The following PKD1 variants were observed in gnomAD, a reference collection of about 807,000 sequenced individuals.
PKD1 encodes polycystin 1, transient receptor potential channel interacting.
PKD1 carries 81 observed loss-of-function variants against 361.7 expected under a neutral mutation model. The ratio of observed to expected loss-of-function variants is 0.22; its 90% CI spans 0.19 to 0.27. PKD1 has a LOEUF of 0.27. PKD1 is among the 10% of genes least tolerant of loss of function. The pLI, the probability that PKD1 is intolerant of heterozygous loss-of-function variation, is 1.00. For synonymous variants in PKD1, 3,615 were observed against 2,818.3 expected (o/e 1.28, Z -8.95); for missense variants, 6,399 against 6,118.3 (o/e 1.05, Z -1.53).
chr16:2,108,877 C>G lies in PKD1; in HGVS notation c.6290G>C (p.Gly2097Ala). 6.3e-7 allele frequency: 1 copy of G among 1,578,962 alleles called. No individual in the cohort carries two copies. The highest frequency in any genetic ancestry group is 8.6e-7 in the Non-Finnish European group (1 of 1,163,728). ...PRRVAYHWDF[G>A]DGSPGQDTDE... ...TGTGTCCTGCCCTGGCGACCCATCC[C>G]CAAAGTCCCAGTGGTAGGCCACACG... is the stretch of plus-strand genomic sequence containing the variant. Residue 2097 changes from glycine to alanine, a missense_variant, in exon 15 of 46, where the codon GGG becomes GCG. Coordinates refer to ENST00000262304, the MANE Select transcript of PKD1 (RefSeq NM_001009944.3).
At chr16:2,098,110 G>A in intron 30 of PKD1, 126 bp from the exon 31 acceptor site, 1 of 654,210 alleles carries the variant, frequency 1.5e-6, no homozygotes. Flanking sequence ...TAGAATGCTG[G>A]ATATATGGGA....
intron 35 of PKD1, 37 bp downstream of exon 35, chr16:2,094,055 G>A (rs1184935967): frequency 6.3e-7 from 1 of 1,587,338 alleles, no homozygotes. Flanking sequence ...AGCTCACAGG[G>A]AGGGGCTAGG....
In PKD1 at chr16:2,092,943, G is replaced by A. The variant is rs1028896527; in HGVS notation, c.11156+11C>T. 2 of 1,612,976 alleles carry A rather than the reference G, an allele frequency of 1.2e-6. No homozygotes were observed. Among genetic ancestry groups the A allele is most frequent in the African/African-American group, 1.3e-5 (1 of 75,054 alleles). ...GCCCAGAAGACAGACCAGTGCACCG[G>A]ATGCCCGTACCGCGTGATGGCCAGG... is the stretch of plus-strand genomic sequence containing the variant. On this transcript the variant is annotated intron_variant, in intron 38 of 45. Transcript: ENST00000262304.
At chr16:2,113,900 G>A (rs2092582574) in intron 11 of PKD1, 6 of 546,502 alleles carry the variant, frequency 1.1e-5, no homozygotes, top group East Asian at 6.3e-5. Flanking sequence ...ACGGGGGCTC[G>A]TGTGAGGTCA....
In PKD1 at chr16:2,089,344, T is replaced by G. The variant is rs2091337204; in HGVS notation, c.*383A>C. 1 of 332,202 alleles carries G rather than the reference T, an allele frequency of 3.0e-6. No homozygotes were observed. The highest frequency in any genetic ancestry group is 2.1e-5 in the African/African-American group (1 of 47,650). The allele number at this position is 332,202 out of a possible 1,614,324, so 20.6% of individuals were successfully genotyped here. A position where few individuals can be genotyped will look rare whatever the true frequency, so the allele number is the denominator to read the frequency against. ...GGTAGGAACTGGAGAGGTAATAACT[T>G]AGGGGCAGGGTGGCGGCGGTGCAGG... On this transcript the variant is annotated 3_prime_UTR_variant, in exon 46 of 46. Transcript: ENST00000262304.
Position 2,111,446 on chromosome 16 carries a change from T to A in PKD1, c.3721A>T (p.Ile1241Phe). The A allele has an allele frequency of 1.2e-6, 2 of 1,611,874 alleles. No individual in the cohort carries two copies. Among genetic ancestry groups the A allele is most frequent in the Non-Finnish European group, 1.7e-6 (2 of 1,179,524 alleles). The change falls in exon 15 of 46, where the codon ATC (isoleucine) becomes TTC (phenylalanine). Residue 1241 changes from isoleucine to phenylalanine, a missense_variant. Physicochemically the swap from Ile to Phe is conservative, Grantham distance 21. Coordinates refer to ENST00000262304, the MANE Select transcript of PKD1 (RefSeq NM_001009944.3). ...TCCCCCATGTCGAAGGTCCACGTGA[T>A]GTTGTCGCCCGTCTGCACCGCGGCG... ...VSAAVQTGDN[I>F]TWTFDMGDGT...
rs918472089 is a variant in PKD1 at position 2,090,345 on chromosome 16, C to T, written c.12384G>A (p.Glu4128=). 3.1e-6 allele frequency: 5 copies of T among 1,612,412 alleles called. No individual in the cohort carries two copies. The African/African-American group carries it at 6.7e-5, about 22-fold the overall frequency. Residue 4128 remains glutamate, a synonymous_variant, in exon 45 of 46, where the codon GAG becomes GAA. Transcript: ENST00000262304. ...YRPAWEPQDY[E]MVELFLRRLR... ...GCCTGCGCAGGAACAACTCCACCATCTCGTAGTCCTGGGGCTCCCAGGCCG... is the reference window on the plus strand; with the variant it reads ...GCCTGCGCAGGAACAACTCCACCATTTCGTAGTCCTGGGGCTCCCAGGCCG...
At position 2,106,989 on chromosome 16, in the gene PKD1, G is replaced by A; in HGVS notation, c.7066-41C>T. The A allele has an allele frequency of 4.4e-6, 7 of 1,573,144 alleles. No individual in the cohort carries two copies. Among genetic ancestry groups the A allele is most frequent in the South Asian group, 2.2e-5 (2 of 90,570 alleles). On this transcript the variant is annotated intron_variant, in intron 16 of 45. Transcript: ENST00000262304. This position sits in a 1 kb window ranked among gnomAD's most constrained non-coding sequence, Gnocchi z 6.5. ...GGTTACCTCCAACACAGGTCTATTT[G>A]GCCTGCTGGAAGGACTGGGGGACCC...
chr16:2,111,896 C>T (rs774928232), intron 14 of PKD1, 25 bp from the exon 15 acceptor site: 1 of 1,608,694 alleles, frequency 6.2e-7, no homozygotes, highest in Non-Finnish European at 8.5e-7. Context: ...CCGAGTGGGG[C>T]AGCCGCGGCA....
rs2092604224 is a variant in PKD1 at position 2,114,910 on chromosome 16, G to A, written c.2113C>T (p.Gln705Ter). The change falls in exon 11 of 46, where the codon CAG becomes TAG. Residue 705 changes from glutamine (Q) to a stop codon, truncating the protein, a stop_gained. Coordinates refer to ENST00000262304, the MANE Select transcript of PKD1 (RefSeq NM_001009944.3). LOFTEE classifies it high-confidence loss of function. ...TCACCAGGGAGCATGAGGACATCCT[G>A]GCCGTGGAGGGTGACCTGTGGAGAG... is the stretch of plus-strand genomic sequence containing the variant. ...PAQYSVTLHG[Q>*]DVLMLPGDLV... 6.5e-7 allele frequency: 1 copy of A among 1,530,262 alleles called. No homozygotes were observed. Among genetic ancestry groups the A allele is most frequent in the Non-Finnish European group, 8.8e-7 (1 of 1,142,314 alleles). The allele number at this position is 1,530,262 out of a possible 1,614,324, so 94.8% of individuals were successfully genotyped here.
Position 2,093,715 on chromosome 16 carries a change from G to A in PKD1, c.10845C>T (p.Phe3615=), listed in dbSNP as rs758870933. Reference sequence around the variant, plus strand: ...GGTGCAGCCGCTTGGCCACCAGTGAGAAGTACAGGGCTTCCAGCAAGACCT... The same window carrying A: ...GGTGCAGCCGCTTGGCCACCAGTGAAAAGTACAGGGCTTCCAGCAAGACCT... ...PLKVLLEALY[F]SLVAKRLHPD... The change falls in exon 37 of 46, where the codon TTC becomes TTT. Residue 3615 remains phenylalanine (F), a synonymous_variant. Transcript: ENST00000262304. 4 of 1,592,138 alleles carry A rather than the reference G, an allele frequency of 2.5e-6. No individual in the cohort carries two copies. The Admixed American group carries it at 5.1e-5, about 20-fold the overall frequency.
At position 2,110,692 on chromosome 16, in the gene PKD1, C is replaced by A. The variant is rs757055929; in HGVS notation, c.4475G>T (p.Arg1492Leu). 3.1e-6 allele frequency: 5 copies of A among 1,610,294 alleles called. No homozygotes were observed. In the South Asian group the frequency reaches 4.4e-5, roughly 14 times the overall value. ...QQPYLFSAVGRGRPASYLWDL... is the reference protein window; with the variant it reads ...QQPYLFSAVGLGRPASYLWDL... ...CCACAGGTAGCTGGCGGGGCGCCCA[C>A]GGCCCACAGCAGAGAACAGGTACGG... is the stretch of plus-strand genomic sequence containing the variant. Residue 1492 changes from arginine (R) to leucine (L), a missense_variant, in exon 15 of 46, where the codon CGT (arginine) becomes CTT (leucine). Transcript: ENST00000262304.
At position 2,116,655 on chromosome 16, in the gene PKD1, G is replaced by A. The variant is rs757713379; in HGVS notation, c.1607-11C>T. On this transcript the variant is annotated splice_polypyrimidine_tract_variant and intron_variant, in intron 7 of 45. Transcript: ENST00000262304. ...CATCCTGCACTGGGCCTGGGGTGGC[G>A]AGTGCACAGTGAGGCGCCGGGCCAG... 1.8e-5 allele frequency: 26 copies of A among 1,455,892 alleles called. No homozygotes were observed. Among genetic ancestry groups the A allele is most frequent in the South Asian group, 2.4e-5 (2 of 82,706 alleles). The allele number at this position is 1,455,892 out of a possible 1,614,324, so 90.2% of individuals were successfully genotyped here. A position where few individuals can be genotyped will look rare whatever the true frequency, so the allele number is the denominator to read the frequency against.
chr16:2,097,871 A>G lies in PKD1; in HGVS notation c.10164T>C (p.Ala3388=). The G allele has an allele frequency of 1.2e-6, 2 of 1,605,356 alleles. No individual in the cohort carries two copies. Among genetic ancestry groups the G allele is most frequent in the Middle Eastern group, 2.3e-4 (1 of 4,430 alleles). ...SSFLTFSGLH[A]EQAFVGQMKS... is the part of the protein sequence containing the mutation. Reference sequence around the variant, plus strand: ...GGACCCCCAGTAGAGTCCTCACCTCAGCGTGGAGGCCTGAGAACGTGAGGA... The same window carrying G: ...GGACCCCCAGTAGAGTCCTCACCTCGGCGTGGAGGCCTGAGAACGTGAGGA... The change falls in exon 31 of 46, where the codon GCT becomes GCC. Residue 3388 remains alanine, a synonymous_variant. Coordinates refer to ENST00000262304, the MANE Select transcript of PKD1 (RefSeq NM_001009944.3).
Position 2,111,167 on chromosome 16 carries a change from A to G in PKD1, c.4000T>C (p.Ser1334Pro). 1.9e-6 allele frequency: 3 copies of G among 1,611,256 alleles called. No individual in the cohort carries two copies. The highest frequency in any genetic ancestry group is 2.5e-6 in the Non-Finnish European group (3 of 1,179,734). Residue 1334 changes from serine to proline, a missense_variant, in exon 15 of 46, where the codon TCC (serine) becomes CCC (proline). Transcript: ENST00000262304. ...CACCCCCGCACGGTCGTGTTGGAGGAGCCATCCCCGAAGGTCCAGTCGAAG... is the reference window on the plus strand; with the variant it reads ...CACCCCCGCACGGTCGTGTTGGAGGGGCCATCCCCGAAGGTCCAGTCGAAG... ...YLFDWTFGDG[S>P]SNTTVRGCPT... is the part of the protein sequence containing the mutation.
chr16:2,090,085 G>A lies in PKD1; in HGVS notation c.12554C>T (p.Ser4185Leu), dbSNP rs771431697. 7 of 1,608,750 alleles carry A rather than the reference G, an allele frequency of 4.4e-6. No homozygotes were observed. The highest frequency in any genetic ancestry group is 1.3e-5 in the African/African-American group (1 of 74,978). ...VPPPSAGSDA[S>L]HPSTSSSQLD... ...CTGGCTGGAGGAGGTGGAGGGGTGCGAGGCATCGGAGCCAGCGCTGGGTGG... is the reference window on the plus strand; with the variant it reads ...CTGGCTGGAGGAGGTGGAGGGGTGCAAGGCATCGGAGCCAGCGCTGGGTGG... Residue 4185 changes from serine (S) to leucine (L), a missense_variant, in exon 46 of 46, where the codon TCG (serine) becomes TTG (leucine). Physicochemically the swap from Ser to Leu is moderately radical, Grantham distance 145. Transcript: ENST00000262304.
At chr16:2,107,485 G>A (rs1596545994) in intron 16 of PKD1, 1 of 375,426 alleles carries the variant, frequency 2.7e-6, no homozygotes, top group South Asian at 2.3e-5. Flanking sequence ...AGCAGCAGGA[G>A]CAGCCACCAC....
rs766568622 is a variant in PKD1 at position 2,113,197 on chromosome 16, A to G, written c.2949T>C (p.Asn983=). The change falls in exon 12 of 46, where the codon AAT becomes AAC. Residue 983 remains asparagine (N), a synonymous_variant. Coordinates refer to ENST00000262304, the MANE Select transcript of PKD1 (RefSeq NM_001009944.3). The part of the protein sequence containing the change: ...QSLTFQNVVF[N]VIYQSAAVFK... ...AGACCGCCGCGCTCTGATAAATGAC[A>G]TTGAAGACCACGTTCTGGAAGGTCA... 47 of 1,317,184 alleles carry G rather than the reference A, an allele frequency of 3.6e-5. No homozygotes were observed. In the East Asian group the frequency reaches 1.0e-3, roughly 28 times the overall value. The allele number at this position is 1,317,184 out of a possible 1,614,324, so 81.6% of individuals were successfully genotyped here.
At chr16:2,114,999 G>T in intron 10 of PKD1, 74 bp from the exon 11 acceptor site, 1 of 1,518,022 alleles carries the variant, frequency 6.6e-7, no homozygotes. Context: ...ACGGATGAGG[G>T]TGGACACGCA....
Sources: allele counts gnomAD v4.1 joint callset, GRCh38; gene constraint gnomAD v4.1.1; non-coding constraint Gnocchi (gnomAD v3.1); transcripts MANE v1.5; gene names NCBI Gene and HGNC (gene_info 2026-07-23, HGNC 2026-07-21).